Variants in BBS2 observed in about 807,000 individuals in gnomAD.
BBS2 encodes the protein Bardet-Biedl syndrome 2.
Under a neutral mutation model 83.0 loss-of-function variants are expected in BBS2, and 62 were observed. That is an observed-to-expected ratio of 0.75 (90% CI 0.61 to 0.92). BBS2 has a LOEUF of 0.92. BBS2 is among the 40% of genes least tolerant of loss of function. The pLI, the probability that BBS2 is intolerant of heterozygous loss-of-function variation, is 0.00. For missense variants in BBS2, 784 were observed against 901.0 expected, an observed-to-expected ratio of 0.87 and a Z score of 1.66; for synonymous variants, 303 against 326.1, an observed-to-expected ratio of 0.93 and a Z score of 0.76.
At chr16:56,512,303 T>C (rs1281606959) in intron 2 of BBS2, among the ~76,000 whole-genome samples, 1 of 152,196 alleles carries the variant, frequency 6.6e-6, no homozygotes, top group Non-Finnish European at 1.5e-5. Context: ...ATAAAGTTCT[T>C]ATAAACCACA....
chr16:56,515,952 C>T (rs1439312815), intron 1 of BBS2: 4 of 152,244 alleles, frequency 2.6e-5, no homozygotes, highest in African/African-American at 7.2e-5. Flanking sequence ...CATCACACTT[C>T]CTTTTATAAC....
At chr16:56,519,605 G>C (rs1231022122) in intron 1 of BBS2, 141 bp downstream of exon 1, 6 of 674,962 alleles carry the variant, frequency 8.9e-6, no homozygotes, top group Non-Finnish European at 1.6e-5. Context: ...GCAGGATGGA[G>C]CCACAAGGTG....
At chr16:56,483,476 G>A (rs1963694743), downstream of BBS2, among the ~76,000 whole-genome samples, 1 of 152,166 alleles carries the variant, frequency 6.6e-6, no homozygotes, top group Non-Finnish European at 1.5e-5. Context: ...TGTCCTAGGG[G>A]ATGACAGAGC....
intron 4 of BBS2, among the ~76,000 whole-genome samples, chr16:56,510,475 G>A (rs1555523444): frequency 1.3e-5 from 2 of 152,134 alleles, no homozygotes; most frequent in Non-Finnish European, 2.9e-5. Flanking sequence ...AATTTCAAAG[G>A]CTAAAAGCCA....
Position 56,485,600 on chromosome 16 carries a change from A to T in BBS2, c.2049T>A (p.Gly683=). ...KAVNQAIQRA[G]RLRVGKPKNQ... is the part of the protein sequence containing the mutation. ...TGAAAAGAGACTTACCCCGCAGACG[A>T]CCTGCTCTTTGAATTGCTTGATTTA... The change falls in exon 16 of 17, where the codon GGT becomes GGA. Residue 683 remains glycine (G), a synonymous_variant. Transcript: ENST00000245157. The T allele has an allele frequency of 1.2e-6, 2 of 1,614,114 alleles. No individual in the cohort carries two copies. Among genetic ancestry groups the T allele is most frequent in the Non-Finnish European group, 1.7e-6 (2 of 1,179,982 alleles).
chr16:56,501,050 T>G (rs200831886), intron 10 of BBS2, 25 bp from the exon 11 acceptor site: 109 of 1,613,194 alleles, frequency 6.8e-5, no homozygotes, highest in Non-Finnish European at 8.3e-5. Flanking sequence ...AAAAACAGTT[T>G]AAGAACAACT....
chr16:56,501,324 C>T (rs1487261160), intron 10 of BBS2, 29 bp downstream of exon 10: 2 of 1,612,848 alleles, frequency 1.2e-6, no homozygotes, highest in Non-Finnish European at 8.5e-7. Context: ...ACAGGTGCCT[C>T]TAAATACCAG....
rs183275652 is a variant in BBS2, at chr16:56,510,003, C to G, written c.566G>C (p.Arg189Pro). 1 of 1,614,068 alleles carries G rather than the reference C, an allele frequency of 6.2e-7. No homozygotes were observed. Among genetic ancestry groups the G allele is most frequent in the African/African-American group, 1.3e-5 (1 of 75,036 alleles). ...LLVGSEDFDI[R>P]VFKEDEIVAE... ...CACAATCTCATCTTCCTTAAAAACT[C>G]GGATATCAAAATCCTCAGATCCAAC... Residue 189 changes from arginine (R) to proline (P), a missense_variant, in exon 5 of 17, where the codon CGA becomes CCA. Arg to Pro is a moderately radical substitution (Grantham distance 103). Coordinates refer to ENST00000245157, the MANE Select transcript of BBS2 (RefSeq NM_031885.5).
Position 56,484,955 on chromosome 16 carries a change from G to A in BBS2, c.2060-88C>T, listed in dbSNP as rs1223611553. 15 of 960,260 alleles carry A rather than the reference G, an allele frequency of 1.6e-5. No individual in the cohort carries two copies. In the East Asian group the frequency reaches 2.3e-4, roughly 15 times the overall value. 59.5% of individuals were successfully genotyped at this position (960,260 alleles called of 1,614,324 possible). The stretch of plus-strand genomic sequence containing the variant: ...TCAGTTTTAAAACAACATAAAACCA[G>A]GAGGGAAAAGAGTTATACTTGAAAT... On this transcript the variant is annotated intron_variant, in intron 16 of 16. Coordinates refer to ENST00000245157, the MANE Select transcript of BBS2 (RefSeq NM_031885.5).
intron 7 of BBS2, among the ~76,000 whole-genome samples, chr16:56,504,615 T>C (rs565994073): frequency 1.3e-5 from 2 of 152,210 alleles, no homozygotes; most frequent in Admixed American, 1.3e-4. Flanking sequence ...TTTCTTATCT[T>C]TTTCATGCTC....
chr16:56,505,871 C>T (rs1964407451), intron 7 of BBS2, 79 bp downstream of exon 7: 9 of 1,076,250 alleles, frequency 8.4e-6, no homozygotes, highest in Admixed American at 3.4e-5. Flanking sequence ...CCCAATGTTA[C>T]TGTTCTAAGT....
At chr16:56,489,813 AAAGT>A (rs1963886909) in intron 15 of BBS2, among the ~76,000 whole-genome samples, 1 of 151,564 alleles carries the variant, frequency 6.6e-6, no homozygotes, top group Non-Finnish European at 1.5e-5. Context: ...AGAAAAAAAA[AAAGT>A]AGTAGTATTA....
Position 56,470,440 on chromosome 16 carries a change from T to C in BBS2, c.*256A>G, listed in dbSNP as rs369092503. The C allele has an allele frequency of 2.0e-6, 3 of 1,519,666 alleles. No homozygotes were observed. In the African/African-American group the frequency reaches 4.2e-5, roughly 21 times the overall value. The allele number at this position is 1,519,666 out of a possible 1,614,324, so 94.1% of individuals were successfully genotyped here. On this transcript the variant is annotated 3_prime_UTR_variant, in exon 18 of 18. Coordinates refer to the BBS2 transcript ENST00000682047. Reference sequence around the variant, plus strand: ...GATCAGCTTTTATTCTGTGAGTCATTTTACATCTGTGGCTTTGATGAACAA... The same window carrying C: ...GATCAGCTTTTATTCTGTGAGTCATCTTACATCTGTGGCTTTGATGAACAA...
At chr16:56,497,130 A>T in intron 14 of BBS2, 51 bp from the exon 15 acceptor site, 1 of 1,176,218 alleles carries the variant, frequency 8.5e-7, no homozygotes, top group Non-Finnish European at 1.3e-6. Context: ...AACTTCTTGA[A>T]CCCAGACAAA....
chr16:56,499,563 A>G, intron 12 of BBS2: 1 of 538,310 alleles, frequency 1.9e-6, no homozygotes, highest in Admixed American at 2.8e-5. Flanking sequence ...TTCACCAATA[A>G]CTGAGGATTG....
chr16:56,473,049 G>A (rs1963275714), intron 17 of BBS2, among the ~76,000 whole-genome samples: 1 of 152,178 alleles, frequency 6.6e-6, no homozygotes, highest in African/African-American at 2.4e-5. Flanking sequence ...TCCTGCCTCA[G>A]CCTCCCGAGT....
At chr16:56,503,848 G>A (rs1277803387) in intron 7 of BBS2, among the ~76,000 whole-genome samples, 2 of 151,988 alleles carry the variant, frequency 1.3e-5, no homozygotes, top group Non-Finnish European at 2.9e-5. Flanking sequence ...GAACCCGGGA[G>A]GCGGAGGTTG....
At chr16:56,491,134 A>C (rs1382633752) in intron 15 of BBS2, among the ~76,000 whole-genome samples, 1 of 152,144 alleles carries the variant, frequency 6.6e-6, no homozygotes, top group Non-Finnish European at 1.5e-5. Context: ...ACATATTTGC[A>C]ACTCATATCA....
downstream of BBS2, among the ~76,000 whole-genome samples, chr16:56,480,913 A>G (rs534144074): frequency 3.9e-5 from 6 of 152,294 alleles, no homozygotes; most frequent in Admixed American, 2.0e-4. Context: ...CATCACTTTT[A>G]GGAAAAGCAG....
Sources: allele counts gnomAD v4.1 joint callset (sites outside exome capture counted in the v4.1 genomes callset), GRCh38; gene constraint gnomAD v4.1.1; transcripts MANE v1.5; gene names NCBI Gene and HGNC (gene_info 2026-07-23, HGNC 2026-07-21).